Variants in DNAH12 observed in about 807,000 individuals in gnomAD.
DNAH12 encodes axonemal beta dynein heavy chain 12.
A neutral mutation model predicts 371.5 loss-of-function variants in DNAH12; 285 were observed. The observed-to-expected ratio is 0.77, with a 90% CI of 0.70 to 0.85. DNAH12 has a LOEUF of 0.85. Among genes scored for constraint, DNAH12 ranks in the 40% least tolerant of loss-of-function variants. DNAH12 has a pLI of 0.00. For synonymous variants in DNAH12, 1,200 were observed against 1,213.0 expected (o/e 0.99, Z 0.22); for missense variants, 3,611 against 3,689.4 (o/e 0.98, Z 0.55).
intron 52 of DNAH12, among the ~76,000 whole-genome samples, chr3:57,377,718 T>C (rs2063309681): frequency 6.6e-6 from 1 of 152,086 alleles, no homozygotes; most frequent in Non-Finnish European, 1.5e-5. Context: ...ACCTCAATGC[T>C]CAGTTTCACT....
chr3:57,305,681 C>G (rs2061455023), intron 69 of DNAH12, among the ~76,000 whole-genome samples: 1 of 152,164 alleles, frequency 6.6e-6, no homozygotes, highest in African/African-American at 2.4e-5. Flanking sequence ...CCTAAAAGGT[C>G]AAAAGGCCGT....
At chr3:57,507,887 G>A (rs2067822722) in intron 7 of DNAH12, 49 bp from the exon 8 acceptor site, 2 of 1,481,692 alleles carry the variant, frequency 1.3e-6, no homozygotes, top group Non-Finnish European at 9.0e-7. Flanking sequence ...ATACATATTG[G>A]TCTTAAAACA....
intron 15 of DNAH12, 30 bp downstream of exon 15, chr3:57,471,442 C>T (rs2066364855): frequency 6.6e-7 from 1 of 1,505,020 alleles, no homozygotes; most frequent in African/African-American, 1.4e-5. Context: ...ATGGGCTGGC[C>T]ATAGCTATTG....
chr3:57,459,101 A>G (rs2065981267), intron 20 of DNAH12, among the ~76,000 whole-genome samples: 1 of 152,222 alleles, frequency 6.6e-6, no homozygotes, highest in Non-Finnish European at 1.5e-5. Context: ...TATGAAAAAT[A>G]TATAGTCTGT....
At chr3:57,538,328 A>C (rs913754887) in intron 2 of DNAH12, among the ~76,000 whole-genome samples, 3 of 64,966 alleles carry the variant, frequency 4.6e-5, no homozygotes, top group Non-Finnish European at 1.2e-4. Flanking sequence ...TTAATACAGC[A>C]CTATGCTTCA....
chr3:57,537,708 CAG>C (rs1480753240), intron 2 of DNAH12, among the ~76,000 whole-genome samples: 2 of 138,942 alleles, frequency 1.4e-5, no homozygotes, highest in Admixed American at 7.2e-5. Flanking sequence ...TTTTTTGAGA[CAG>C]AGTCTTGCTC....
intron 69 of DNAH12, among the ~76,000 whole-genome samples, chr3:57,302,559 A>ATTTTTTT (rs1436244232): frequency 1.3e-4 from 8 of 61,370 alleles, no homozygotes; most frequent in Non-Finnish European, 2.5e-4. Flanking sequence ...ATATATATAT[A>ATTTTTTT]TATATGTATT....
chr3:57,352,676 A>T (rs561770701), intron 59 of DNAH12, among the ~76,000 whole-genome samples: 1 of 152,306 alleles, frequency 6.6e-6, no homozygotes, highest in Admixed American at 6.5e-5. Flanking sequence ...AATGCCTATT[A>T]AATCTCTATT....
intron 13 of DNAH12, among the ~76,000 whole-genome samples, chr3:57,480,380 G>C (rs2066696387): frequency 6.6e-6 from 1 of 151,950 alleles, no homozygotes; most frequent in Non-Finnish European, 1.5e-5. Flanking sequence ...GGAAGAAGTT[G>C]AATCTCTGAA....
intron 2 of DNAH12, 134 bp from the exon 3 acceptor site, chr3:57,524,018 C>G: frequency 1.9e-6 from 1 of 521,450 alleles, no homozygotes. Context: ...TTATGAGAAA[C>G]AAATCCCAAT....
At chr3:57,431,343 G>C (rs1440977717) in intron 32 of DNAH12, among the ~76,000 whole-genome samples, 1 of 152,152 alleles carries the variant, frequency 6.6e-6, no homozygotes, top group East Asian at 1.9e-4. Flanking sequence ...TAAAGACTGA[G>C]AATCTCAACA....
At position 57,445,301 on chromosome 3, in the gene DNAH12, T is replaced by C. The variant is rs759928382; in HGVS notation, c.4298A>G (p.Tyr1433Cys). 27 of 1,551,552 alleles carry C rather than the reference T, an allele frequency of 1.7e-5. No homozygotes were observed. Among genetic ancestry groups the C allele is most frequent in the Non-Finnish European group, 2.6e-6 (3 of 1,146,992 alleles). ...TGAGAGCTGCTCTGAGCAAAGCCTA[T>C]AGGTCATTACTATTTTCACAGACAG... ...RPLSVKIVMT[Y>C]RLCSEQLSSQ... The change falls in exon 28 of 74, where the codon TAT (tyrosine) becomes TGT (cysteine). Residue 1433 changes from tyrosine to cysteine, a missense_variant. By Grantham distance (194) the Tyr-to-Cys change is radical (BLOSUM62 -2). Coordinates refer to ENST00000495027, the MANE Select transcript of DNAH12 (RefSeq NM_001366028.2).
At position 57,338,160 on chromosome 3, in the gene DNAH12, G is replaced by A. The variant is rs558700470; in HGVS notation, c.9675-3220C>T. Among the ~76,000 whole-genome samples the A allele has an allele frequency of 3.7e-4, 56 of 152,258 alleles. No individual in the cohort carries two copies. In the South Asian group the frequency reaches 4.8e-3, roughly 13 times the overall value. ...GCCGAGTGCCTGGGATTGCAGGCAC[G>A]CGACGCCATGCCTGACTGGTTTTTG... is the stretch of plus-strand genomic sequence containing the variant. On this transcript the variant is annotated intron_variant, in intron 60 of 73. Transcript: ENST00000495027.
At chr3:57,350,448 C>T (rs2062645108) in intron 60 of DNAH12, among the ~76,000 whole-genome samples, 2 of 151,992 alleles carry the variant, frequency 1.3e-5, no homozygotes, top group African/African-American at 4.8e-5. Context: ...GGGAAAAGGC[C>T]AAGTCTTTTC....
chr3:57,356,707 A>G (rs2062809749), intron 59 of DNAH12, among the ~76,000 whole-genome samples: 1 of 151,918 alleles, frequency 6.6e-6, no homozygotes, highest in East Asian at 1.9e-4. Context: ...ATTATCTTTC[A>G]TGTCTTTTTT....
chr3:57,545,213 T>G (rs138186919), upstream of DNAH12, among the ~76,000 whole-genome samples: 722 of 150,574 alleles, frequency 4.8e-3, 6 homozygotes, highest in African/African-American at 0.017. Flanking sequence ...CAGGCTGGAG[T>G]GCTCACCACA....
chr3:57,542,157 G>C (rs1233912320), intron 2 of DNAH12, among the ~76,000 whole-genome samples: 1 of 8,884 alleles, frequency 1.1e-4, no homozygotes, highest in Non-Finnish European at 1.0e-3. Flanking sequence ...CACTAAACTG[G>C]GGGGGGGGGG....
intron 7 of DNAH12, 51 bp downstream of exon 7, chr3:57,508,331 T>A: frequency 6.7e-7 from 1 of 1,486,904 alleles, no homozygotes; most frequent in East Asian, 2.5e-5. Flanking sequence ...CAGTCAAAAA[T>A]ATAGACTCAA....
intron 43 of DNAH12, among the ~76,000 whole-genome samples, chr3:57,399,142 A>G (rs1468559207): frequency 6.6e-6 from 1 of 152,180 alleles, no homozygotes; most frequent in Non-Finnish European, 1.5e-5. Flanking sequence ...TGTAGTAGTA[A>G]TGGTTAACTA....
Sources: gnomAD v4.1 joint callset for allele counts (sites outside exome capture counted in the v4.1 genomes callset) on GRCh38, gnomAD v4.1.1 for gene constraint, MANE v1.5 for transcripts, NCBI Gene and HGNC (gene_info 2026-07-23, HGNC 2026-07-21) for gene names.